RANBP17: variants seen among roughly 807,000 people sequenced by gnomAD.
RANBP17 encodes the protein RAN binding protein 17.
Under a neutral mutation model 141.2 loss-of-function variants are expected in RANBP17, and 158 were observed. The ratio of observed to expected loss-of-function variants is 1.12; its 90% CI spans 0.98 to 1.28. The LOEUF (loss-of-function observed/expected upper bound fraction) is 1.28, where lower values mean the gene tolerates loss of function less well. Among genes scored for constraint, RANBP17 ranks in the 50% most tolerant of loss-of-function variants. The pLI, the probability that RANBP17 is intolerant of heterozygous loss-of-function variation, is 0.00. For synonymous variants in RANBP17, 430 were observed against 450.0 expected (o/e 0.96, Z 0.56); for missense variants, 1,438 against 1,290.7 (o/e 1.11, Z -1.75).
chr5:171,148,326 A>G (rs557875450), intron 14 of RANBP17, among the ~76,000 whole-genome samples: 75 of 152,190 alleles, frequency 4.9e-4, no homozygotes, highest in Non-Finnish European at 7.1e-4. Flanking sequence ...CCTTCCCTCC[A>G]CTATTGTCCC....
In RANBP17 at chr5:171,274,143, TGTGTGTGC is replaced by T. The variant is rs753827340; in HGVS notation, c.2943+8298_2943+8305del. ...GTGTGTGTGTGTGTGTGTGTGTGTG[TGTGTGTGC>T]GCGCGCGCGCGCGTGCGCAAAATCT... On this transcript the variant is annotated intron_variant, in intron 25 of 27. Coordinates refer to ENST00000523189, the MANE Select transcript of RANBP17 (RefSeq NM_022897.5). Among the ~76,000 whole-genome samples, 681 of 130,538 alleles carry T rather than the reference TGTGTGTGC, an allele frequency of 5.2e-3. 1 individual carries two copies. The highest frequency in any genetic ancestry group is 0.015 in the African/African-American group (516 of 34,510). 85.6% of individuals were successfully genotyped at this position (130,538 alleles called of 152,430 possible).
chr5:171,257,544 G>A (rs1166804460), intron 24 of RANBP17, among the ~76,000 whole-genome samples: 2 of 152,060 alleles, frequency 1.3e-5, no homozygotes, highest in Non-Finnish European at 2.9e-5. Flanking sequence ...TACACAGTAC[G>A]AAAAGTCCTA....
intron 19 of RANBP17, among the ~76,000 whole-genome samples, chr5:171,203,592 G>A (rs2127958659): frequency 6.6e-6 from 1 of 151,692 alleles, no homozygotes; most frequent in Admixed American, 6.6e-5. Context: ...GCCACATTTT[G>A]CCACTTTAAA....
At chr5:171,090,049 G>A (rs1362952149) in intron 14 of RANBP17, among the ~76,000 whole-genome samples, 1 of 152,190 alleles carries the variant, frequency 6.6e-6, no homozygotes, top group African/African-American at 2.4e-5. Flanking sequence ...GGGCACTGCT[G>A]AAAAGAGACC....
At chr5:171,141,075 C>A (rs933498912) in intron 14 of RANBP17, among the ~76,000 whole-genome samples, 18 of 152,202 alleles carry the variant, frequency 1.2e-4, no homozygotes, top group African/African-American at 3.9e-4. Context: ...TTCTTCCTCA[C>A]AACATTCATT....
rs959370294 is a variant in RANBP17, at chr5:170,995,148, A to G, written c.1710+26771A>G. 2.0e-5 allele frequency among the ~76,000 whole-genome samples: 3 copies of G among 152,096 alleles called. No homozygotes were observed. In the East Asian group the frequency reaches 5.8e-4, roughly 29 times the overall value. On this transcript the variant is annotated intron_variant, in intron 14 of 27. Coordinates refer to ENST00000523189, the MANE Select transcript of RANBP17 (RefSeq NM_022897.5). ...CATTAATTAAATTATTAAGATTTTTATGATCTTACGTGGTGATTTTATGTG... is the reference window on the plus strand; with the variant it reads ...CATTAATTAAATTATTAAGATTTTTGTGATCTTACGTGGTGATTTTATGTG...
At chr5:171,243,395 T>C (rs1765009705) in intron 24 of RANBP17, among the ~76,000 whole-genome samples, 1 of 152,232 alleles carries the variant, frequency 6.6e-6, no homozygotes, top group Non-Finnish European at 1.5e-5. Context: ...TTCCATTGTA[T>C]GTATTATTAG....
chr5:170,933,670 T>C (rs1317796127), intron 12 of RANBP17, among the ~76,000 whole-genome samples: 1 of 152,220 alleles, frequency 6.6e-6, no homozygotes, highest in African/African-American at 2.4e-5. Context: ...TTTCGTTATG[T>C]ACCCAGTAGT....
intron 16 of RANBP17, among the ~76,000 whole-genome samples, chr5:171,180,504 A>G (rs1760801489): frequency 1.3e-5 from 2 of 152,194 alleles, no homozygotes; most frequent in Admixed American, 6.5e-5. Context: ...TAGTGTTGCC[A>G]TAATTTATCT....
At chr5:170,934,171 C>G (rs866437014) in intron 12 of RANBP17, among the ~76,000 whole-genome samples, 15 of 152,134 alleles carry the variant, frequency 9.9e-5, no homozygotes, top group African/African-American at 1.4e-4. Flanking sequence ...TTACGTAATG[C>G]CCTTCTTTGT....
At chr5:171,272,996 GAGA>G (rs1376815166) in intron 25 of RANBP17, among the ~76,000 whole-genome samples, 1 of 152,148 alleles carries the variant, frequency 6.6e-6, no homozygotes, top group Non-Finnish European at 1.5e-5. Flanking sequence ...ACGTAGTCTT[GAGA>G]AGGTCAGAAT....
intron 22 of RANBP17, among the ~76,000 whole-genome samples, chr5:171,222,772 A>G (rs1173659667): frequency 6.6e-6 from 1 of 152,090 alleles, no homozygotes; most frequent in Admixed American, 6.5e-5. Context: ...CTGTGGTTAT[A>G]GGCACGCCAC....
intron 3 of RANBP17, among the ~76,000 whole-genome samples, chr5:170,885,119 G>A (rs1769037433): frequency 6.6e-6 from 1 of 152,132 alleles, no homozygotes; most frequent in African/African-American, 2.4e-5. Context: ...AAAGATTCAG[G>A]AATTTTAGCA....
At chr5:171,125,720 T>A (rs1306553177) in intron 14 of RANBP17, among the ~76,000 whole-genome samples, 1 of 152,252 alleles carries the variant, frequency 6.6e-6, no homozygotes, top group South Asian at 2.1e-4. Context: ...AAGTATATGT[T>A]CTTTTTATCA....
At position 171,265,687 on chromosome 5, in the gene RANBP17, T is replaced by A. The variant is rs1766623957; in HGVS notation, c.2783T>A (p.Val928Asp). Residue 928 changes from valine (V) to aspartate (D), a missense_variant, in exon 25 of 28, where the codon GTT becomes GAT. Coordinates refer to ENST00000523189, the MANE Select transcript of RANBP17 (RefSeq NM_022897.5). ...TTATTTACTATTTGTACAGATACAG[T>A]TGTCTCCTCCAGCTGCTGTACCAGT... ...ISEGLTTLDT[V>D]VSSSCCTSLD... 1 of 1,611,618 alleles carries A rather than the reference T, an allele frequency of 6.2e-7. No homozygotes were observed. The highest frequency in any genetic ancestry group is 1.3e-5 in the African/African-American group (1 of 74,818).
chr5:171,116,751 C>A (rs1755659764), intron 14 of RANBP17, among the ~76,000 whole-genome samples: 1 of 151,912 alleles, frequency 6.6e-6, no homozygotes, highest in Admixed American at 6.6e-5. Context: ...AGAATTTATT[C>A]CTCCTATCTA....
intron 3 of RANBP17, among the ~76,000 whole-genome samples, chr5:170,888,276 G>A (rs898177474): frequency 6.6e-6 from 1 of 152,176 alleles, no homozygotes; most frequent in Non-Finnish European, 1.5e-5. Context: ...CATTGGGATT[G>A]CATTGAATCT....
intron 16 of RANBP17, among the ~76,000 whole-genome samples, chr5:171,177,274 T>C (rs572200614): frequency 1.3e-5 from 2 of 152,162 alleles, no homozygotes; most frequent in Non-Finnish European, 2.9e-5. Flanking sequence ...GTAGCCCCCT[T>C]ATTTAGACCT....
chr5:171,063,820 T>A (rs574523817), intron 14 of RANBP17, among the ~76,000 whole-genome samples: 1 of 152,168 alleles, frequency 6.6e-6, no homozygotes, highest in African/African-American at 2.4e-5. Context: ...CTCCACCCAG[T>A]TCGAGCTTCC....
Sources: gnomAD v4.1 joint callset for allele counts (sites outside exome capture counted in the v4.1 genomes callset) on GRCh38, gnomAD v4.1.1 for gene constraint, MANE v1.5 for transcripts, NCBI Gene and HGNC (gene_info 2026-07-23, HGNC 2026-07-21) for gene names.